ARHGEF28: variants seen among roughly 807,000 people sequenced by gnomAD.
ARHGEF28 encodes the protein Rho guanine nucleotide exchange factor 28.
In ARHGEF28, 152 loss-of-function variants were observed where a neutral mutation model predicts 206.6. That is an observed-to-expected ratio of 0.74 (90% confidence interval 0.64 to 0.84). The LOEUF (loss-of-function observed/expected upper bound fraction) is 0.84. Ranked by LOEUF, ARHGEF28 falls within the 40% of genes least tolerant of loss-of-function variation. The probability of loss-of-function intolerance (pLI) is 0.00; values close to 1 mark genes in which losing one functional copy is unlikely to be tolerated. For synonymous variants in ARHGEF28, 763 were observed against 776.4 expected, an observed-to-expected ratio of 0.98 and a Z score of 0.29; for missense variants, 2,028 against 2,073.2, an observed-to-expected ratio of 0.98 and a Z score of 0.42.
chr5:73,891,593 G>A (rs1423960965), intron 26 of ARHGEF28, among the ~76,000 whole-genome samples: 2 of 150,988 alleles, frequency 1.3e-5, no homozygotes, highest in East Asian at 2.0e-4. Context: ...AGGCTGGAGT[G>A]CGCTCACTGC....
At chr5:73,894,179 G>A (rs575426570) in intron 28 of ARHGEF28, among the ~76,000 whole-genome samples, 1 of 152,300 alleles carries the variant, frequency 6.6e-6, no homozygotes, top group Admixed American at 6.5e-5. Flanking sequence ...AAAAGACAAT[G>A]GAAGCTGAGA....
At chr5:73,686,970 T>C (rs6863745) in intron 2 of ARHGEF28, among the ~76,000 whole-genome samples, 1 of 152,186 alleles carries the variant, frequency 6.6e-6, no homozygotes, top group Non-Finnish European at 1.5e-5. Context: ...TTTTAAGGTG[T>C]AATTTTTCTT....
intron 9 of ARHGEF28, among the ~76,000 whole-genome samples, chr5:73,810,435 T>C (rs1010183213): frequency 6.6e-6 from 1 of 152,208 alleles, no homozygotes; most frequent in African/African-American, 2.4e-5. Context: ...TCTCAGCTAA[T>C]AGAAATACTT....
Position 73,848,356 on chromosome 5 carries a change from G to A in ARHGEF28, c.1636-620G>A, listed in dbSNP as rs187750723. Among the ~76,000 whole-genome samples, 725 of 152,218 alleles carry A rather than the reference G, an allele frequency of 4.8e-3. 3 individuals are homozygous for A. Among genetic ancestry groups the A allele is most frequent in the African/African-American group, 0.016 (682 of 41,536 alleles). Reference sequence around the variant, plus strand: ...AGTCATTTTAAAGTAGTAATATTAAGGATGTATAAATTAGTGATATCCAAA... The same window carrying A: ...AGTCATTTTAAAGTAGTAATATTAAAGATGTATAAATTAGTGATATCCAAA... On this transcript the variant is annotated intron_variant, in intron 12 of 35. Coordinates refer to ENST00000513042, the MANE Select transcript of ARHGEF28 (RefSeq NM_001177693.2).
At chr5:73,875,466 T>G (rs201664750) in intron 22 of ARHGEF28, among the ~76,000 whole-genome samples, 1 of 148,400 alleles carries the variant, frequency 6.7e-6, no homozygotes. Flanking sequence ...GCCATTGCTT[T>G]TGGTGTTTTA....
intron 9 of ARHGEF28, among the ~76,000 whole-genome samples, chr5:73,802,554 G>T (rs1162721747): frequency 6.6e-6 from 1 of 152,110 alleles, no homozygotes; most frequent in Non-Finnish European, 1.5e-5. Flanking sequence ...TGACTAAGCA[G>T]ATTTCATGTA....
intron 33 of ARHGEF28, chr5:73,908,644 G>GT (rs529828035): frequency 4.4e-4 from 67 of 152,168 alleles, no homozygotes; most frequent in East Asian, 7.7e-4. Context: ...AACTCAAAAT[G>GT]TTTTTTTAAT....
At chr5:73,696,421 C>A (rs1457616899) in intron 2 of ARHGEF28, among the ~76,000 whole-genome samples, 1 of 152,158 alleles carries the variant, frequency 6.6e-6, no homozygotes, top group African/African-American at 2.4e-5. Flanking sequence ...TTGCTTCCTT[C>A]CCCTTTGTAT....
At chr5:73,758,487 G>A (rs1752428460) in intron 4 of ARHGEF28, among the ~76,000 whole-genome samples, 1 of 152,204 alleles carries the variant, frequency 6.6e-6, no homozygotes, top group Admixed American at 6.5e-5. Context: ...AAGTTCTTCT[G>A]CTCATTATGG....
At chr5:73,754,749 C>T (rs1196756303) in intron 4 of ARHGEF28, among the ~76,000 whole-genome samples, 2 of 151,958 alleles carry the variant, frequency 1.3e-5, no homozygotes, top group African/African-American at 2.4e-5. Flanking sequence ...CAGGCTGGAG[C>T]GCAGTGGCAC....
intron 2 of ARHGEF28, among the ~76,000 whole-genome samples, chr5:73,721,644 C>T (rs1749955090): frequency 6.6e-6 from 1 of 152,058 alleles, no homozygotes; most frequent in Admixed American, 6.5e-5. Context: ...GTGATCATAG[C>T]TCACTGCAGC....
chr5:73,697,338 T>C (rs1359933948), intron 2 of ARHGEF28, among the ~76,000 whole-genome samples: 1 of 152,204 alleles, frequency 6.6e-6, no homozygotes, highest in African/African-American at 2.4e-5. Flanking sequence ...ATTTGCATCT[T>C]TGAAAAAATC....
chr5:73,814,061 G>A (rs542317130), intron 9 of ARHGEF28, among the ~76,000 whole-genome samples: 4 of 152,136 alleles, frequency 2.6e-5, no homozygotes, highest in Non-Finnish European at 5.9e-5. Context: ...ATACGCATGT[G>A]TTTCATACCC....
chr5:73,768,105 A>G (rs1411452495), intron 4 of ARHGEF28, among the ~76,000 whole-genome samples: 1 of 152,190 alleles, frequency 6.6e-6, no homozygotes. Context: ...GATTTCAAAG[A>G]ATGTATGGAA....
At chr5:73,817,253 G>A (rs368086482) in intron 9 of ARHGEF28, among the ~76,000 whole-genome samples, 1 of 152,082 alleles carries the variant, frequency 6.6e-6, no homozygotes, top group East Asian at 1.9e-4. Flanking sequence ...TTTTCTTTTT[G>A]CTGGTGCAAA....
At chr5:73,822,550 A>G (rs562785127) in intron 9 of ARHGEF28, among the ~76,000 whole-genome samples, 1 of 152,298 alleles carries the variant, frequency 6.6e-6, no homozygotes, top group East Asian at 1.9e-4. Context: ...GCCAAGACTA[A>G]TATCAGGAAA....
intron 2 of ARHGEF28, among the ~76,000 whole-genome samples, chr5:73,739,944 G>A (rs1031477667): frequency 1.3e-5 from 2 of 150,626 alleles, no homozygotes; most frequent in African/African-American, 2.4e-5. Context: ...GAGGTGGGGG[G>A]GTCATTTGAG....
At chr5:73,661,631 G>A (rs1211123137) in intron 1 of ARHGEF28, among the ~76,000 whole-genome samples, 1 of 152,026 alleles carries the variant, frequency 6.6e-6, no homozygotes, top group Non-Finnish European at 1.5e-5. Context: ...AGAGGCCATT[G>A]TAGGGTTATT....
chr5:73,834,455 A>G (rs1757484024), intron 10 of ARHGEF28, among the ~76,000 whole-genome samples: 1 of 151,796 alleles, frequency 6.6e-6, no homozygotes, highest in Non-Finnish European at 1.5e-5. Context: ...TGTTTGGCTT[A>G]TTTTACTTAG....
Sources: gnomAD v4.1 joint callset for allele counts (sites outside exome capture counted in the v4.1 genomes callset) on GRCh38, gnomAD v4.1.1 for gene constraint, MANE v1.5 for transcripts, NCBI Gene and HGNC (gene_info 2026-07-23, HGNC 2026-07-21) for gene names.